The following KCNH8 variants were observed in gnomAD, a reference collection of about 807,000 sequenced individuals.
KCNH8 encodes the protein potassium voltage-gated channel subfamily H member 8.
A neutral mutation model predicts 103.6 loss-of-function variants in KCNH8; 70 were observed. That is an observed-to-expected ratio of 0.68 (90% CI 0.56 to 0.82). The LOEUF is 0.82. Ranked by LOEUF, KCNH8 falls within the 40% of genes least tolerant of loss-of-function variation. KCNH8 has a pLI of 0.00. For synonymous variants in KCNH8, 498 were observed against 489.4 expected (o/e 1.02, Z -0.23); for missense variants, 1,217 against 1,329.9 (o/e 0.92, Z 1.32).
At chr3:19,519,662 A>T (rs950945236) in intron 15 of KCNH8, among the ~76,000 whole-genome samples, 1 of 151,734 alleles carries the variant, frequency 6.6e-6, no homozygotes, top group Non-Finnish European at 1.5e-5. Flanking sequence ...AAACAAAAAA[A>T]CAAAACAAAA....
chr3:19,270,899 T>C (rs972384497), intron 2 of KCNH8, among the ~76,000 whole-genome samples: 9 of 152,152 alleles, frequency 5.9e-5, no homozygotes, highest in African/African-American at 1.9e-4. Context: ...TATTTCTGCT[T>C]TCTTACATAG....
In KCNH8 at chr3:19,253,857, A is replaced by G. The variant is rs764731093; in HGVS notation, c.280A>G (p.Lys94Glu). 1 of 1,613,428 alleles carries G rather than the reference A, an allele frequency of 6.2e-7. No homozygotes were observed. Among genetic ancestry groups the G allele is most frequent in the South Asian group, 1.1e-5 (1 of 91,068 alleles). The part of the protein sequence containing the change: ...EKSLEEKTEF[K>E]GEIMFYKKNG... Reference sequence around the variant, plus strand: ...GTCACTGGAGGAGAAAACAGAATTCAAAGGAGAAATTATGTTCTACAAGAA... The same window carrying G: ...GTCACTGGAGGAGAAAACAGAATTCGAAGGAGAAATTATGTTCTACAAGAA... The change falls in exon 2 of 16, where the codon AAA becomes GAA. Residue 94 changes from lysine to glutamate, a missense_variant. Physicochemically the swap from Lys to Glu is moderately conservative, Grantham distance 56 (BLOSUM62 1). Transcript: ENST00000328405.
rs780018953 is a variant in KCNH8 at position 19,533,966 on chromosome 3, G to C, written c.3191G>C (p.Ser1064Thr). The C allele has an allele frequency of 1.2e-6, 2 of 1,614,124 alleles. No individual in the cohort carries two copies. The highest frequency in any genetic ancestry group is 1.1e-5 in the South Asian group (1 of 91,088). Residue 1064 changes from serine (S) to threonine (T), a missense_variant, in exon 16 of 16, where the codon AGT (serine) becomes ACT (threonine). By Grantham distance (58) the Ser-to-Thr change is moderately conservative. This residue lies in a region of KCNH8 where 558 missense variants were observed against 495.8 expected (regional missense o/e 1.13). Coordinates refer to ENST00000328405, the MANE Select transcript of KCNH8 (RefSeq NM_144633.3). ...SFSQGTVSSF[S>T]LENLPGSWNQ... ...AGTCAGGGAACTGTGAGTTCCTTCAGTCTGGAAAACTTACCAGGATCTTGG... is the reference window on the plus strand; with the variant it reads ...AGTCAGGGAACTGTGAGTTCCTTCACTCTGGAAAACTTACCAGGATCTTGG...
At position 19,390,582 on chromosome 3, in the gene KCNH8, A is replaced by G. The variant is rs111753278; in HGVS notation, c.913A>G (p.Ile305Val). 2.5e-6 allele frequency: 4 copies of G among 1,613,480 alleles called. No homozygotes were observed. Among genetic ancestry groups the G allele is most frequent in the Admixed American group, 1.7e-5 (1 of 59,930 alleles). ...CCACTATGTCACAACCTGGTTCATC[A>G]TTGATTTAATCGCTGCCCTGCCTTT... ...CIHYVTTWFI[I>V]DLIAALPFDL... Residue 305 changes from isoleucine (I) to valine (V), a missense_variant, in exon 6 of 16, where the codon ATT becomes GTT. Transcript: ENST00000328405.
chr3:19,451,020 T>G, intron 9 of KCNH8, 135 bp from the exon 10 acceptor site: 1 of 785,362 alleles, frequency 1.3e-6, no homozygotes, highest in Non-Finnish European at 2.1e-6. Context: ...TTATACATAC[T>G]TAGATTTCCT....
chr3:19,343,942 A>G (rs2065695157), intron 4 of KCNH8, among the ~76,000 whole-genome samples: 1 of 150,146 alleles, frequency 6.7e-6, no homozygotes, highest in Admixed American at 6.6e-5. Flanking sequence ...ACCATCAACC[A>G]TGTCCGTGCT....
At chr3:19,313,172 G>A (rs1192707322) in intron 3 of KCNH8, among the ~76,000 whole-genome samples, 1 of 151,874 alleles carries the variant, frequency 6.6e-6, no homozygotes. Context: ...TTATTATGTG[G>A]TGTGTGAGTC....
At chr3:19,499,918 G>A (rs1367417625) in intron 11 of KCNH8, among the ~76,000 whole-genome samples, 1 of 152,036 alleles carries the variant, frequency 6.6e-6, no homozygotes, top group African/African-American at 2.4e-5. Context: ...CATAATGACA[G>A]GATCAAATTC....
At chr3:19,353,788 G>A (rs1349753549) in intron 5 of KCNH8, among the ~76,000 whole-genome samples, 11 of 152,142 alleles carry the variant, frequency 7.2e-5, no homozygotes, top group African/African-American at 2.7e-4. Context: ...TACTGAATGG[G>A]CAAACACTGG....
intron 5 of KCNH8, among the ~76,000 whole-genome samples, chr3:19,367,492 T>C (rs2066029838): frequency 6.7e-6 from 1 of 148,364 alleles, no homozygotes; most frequent in Non-Finnish European, 1.5e-5. Flanking sequence ...GAAATAAACT[T>C]TGAGCTCTCA....
At chr3:19,343,162 C>A (rs948761579) in intron 4 of KCNH8, among the ~76,000 whole-genome samples, 1 of 152,044 alleles carries the variant, frequency 6.6e-6, no homozygotes, top group Non-Finnish European at 1.5e-5. Flanking sequence ...AAAGTCATTA[C>A]TCCATTAAAA....
At chr3:19,423,993 T>C (rs1331549472) in intron 7 of KCNH8, among the ~76,000 whole-genome samples, 1 of 152,078 alleles carries the variant, frequency 6.6e-6, no homozygotes, top group Non-Finnish European at 1.5e-5. Flanking sequence ...AGTAAGGTGG[T>C]ATCTCATTAT....
intron 11 of KCNH8, among the ~76,000 whole-genome samples, chr3:19,457,576 T>C (rs1288212954): frequency 6.6e-6 from 1 of 152,032 alleles, no homozygotes; most frequent in African/African-American, 2.4e-5. Flanking sequence ...CTGCATCCTG[T>C]GATTAAGCTG....
chr3:19,294,949 C>G (rs1286417432), intron 3 of KCNH8, among the ~76,000 whole-genome samples: 3 of 152,122 alleles, frequency 2.0e-5, no homozygotes, highest in African/African-American at 7.2e-5. Context: ...AAGCTATTAT[C>G]TCATTAGCCT....
chr3:19,487,832 T>G (rs939212725), intron 11 of KCNH8, among the ~76,000 whole-genome samples: 1 of 152,158 alleles, frequency 6.6e-6, no homozygotes, highest in African/African-American at 2.4e-5. Flanking sequence ...CAAGGGACAG[T>G]CAGGCATGTA....
At chr3:19,299,583 A>C (rs1187047434) in intron 3 of KCNH8, among the ~76,000 whole-genome samples, 2 of 152,180 alleles carry the variant, frequency 1.3e-5, no homozygotes, top group Non-Finnish European at 2.9e-5. Context: ...TCTCTACAAC[A>C]AACCCCTATG....
intron 1 of KCNH8, among the ~76,000 whole-genome samples, chr3:19,217,718 G>A (rs376176292): frequency 9.1e-4 from 138 of 152,250 alleles, no homozygotes; most frequent in African/African-American, 3.0e-3. Context: ...TGGCTTCAGC[G>A]TCTGTACTTA....
At chr3:19,345,735 A>G (rs527771664) in intron 4 of KCNH8, among the ~76,000 whole-genome samples, 1 of 152,180 alleles carries the variant, frequency 6.6e-6, no homozygotes, top group South Asian at 2.1e-4. Context: ...CACTCAGGTG[A>G]TTATGTAAAG....
At chr3:19,363,729 G>A (rs2065975483) in intron 5 of KCNH8, among the ~76,000 whole-genome samples, 1 of 151,986 alleles carries the variant, frequency 6.6e-6, no homozygotes, top group South Asian at 2.1e-4. Context: ...TAGGATTCTT[G>A]GATGTCTTTT....
Sources: allele counts gnomAD v4.1 joint callset (sites outside exome capture counted in the v4.1 genomes callset), GRCh38; gene constraint gnomAD v4.1.1; regional missense constraint gnomAD v4.1.1; transcripts MANE v1.5; gene names NCBI Gene and HGNC (gene_info 2026-07-23, HGNC 2026-07-21).